The following GTPBP4 variants were observed in gnomAD, a reference collection of about 807,000 sequenced individuals.
GTPBP4 encodes the protein GTP-binding protein 4.
In GTPBP4, 15 loss-of-function variants were observed where a neutral mutation model predicts 81.7. That is an observed-to-expected ratio of 0.18 (90% confidence interval 0.12 to 0.28). The LOEUF (loss-of-function observed/expected upper bound fraction) is 0.28, where lower values mean the gene tolerates loss of function less well. Among genes scored for constraint, GTPBP4 ranks in the 10% least tolerant of loss-of-function variants. GTPBP4 has a pLI of 1.00. For synonymous variants in GTPBP4, 272 were observed against 274.6 expected (o/e 0.99, Z 0.09); for missense variants, 847 against 793.8 (o/e 1.07, Z -0.81).
chr10:1,007,843 G>T (rs768911834), intron 10 of GTPBP4: 3 of 507,518 alleles, frequency 5.9e-6, no homozygotes, highest in Non-Finnish European at 1.2e-5. Context: ...TTTATGTAAT[G>T]CTGGGTGCGG....
intron 1 of GTPBP4, among the ~76,000 whole-genome samples, chr10:990,915 G>A (rs1831430641): frequency 6.6e-6 from 1 of 151,768 alleles, no homozygotes; most frequent in Non-Finnish European, 1.5e-5. Context: ...CCTTCAGGAT[G>A]TGCGAACGGC....
intron 10 of GTPBP4, chr10:1,007,338 G>A (rs1201763267): frequency 1.0e-5 from 5 of 495,540 alleles, no homozygotes; most frequent in Non-Finnish European, 1.1e-5. Flanking sequence ...ACTGCATGAC[G>A]TGGTCACTGT....
intron 16 of GTPBP4, 75 bp downstream of exon 16, chr10:1,015,971 C>T (rs1831984979): frequency 1.5e-6 from 2 of 1,299,116 alleles, no homozygotes. Flanking sequence ...GGGCAAACAC[C>T]AGCAGTTGCC....
intron 8 of GTPBP4, among the ~76,000 whole-genome samples, chr10:1,002,596 T>G (rs192653389): frequency 4.6e-5 from 7 of 152,344 alleles, no homozygotes; most frequent in African/African-American, 1.7e-4. Flanking sequence ...AAGGCTGGTC[T>G]AGTAGTGACG....
intron 8 of GTPBP4, among the ~76,000 whole-genome samples, chr10:1,004,010 C>T (rs1414875854): frequency 6.6e-6 from 1 of 152,102 alleles, no homozygotes; most frequent in African/African-American, 2.4e-5. Context: ...AGCTTAAGCC[C>T]ACAGGGCAAG....
At chr10:1,015,395 T>C (rs61833307) in intron 15 of GTPBP4, among the ~76,000 whole-genome samples, 22,378 of 34,966 alleles carry the variant, frequency 0.64, 5,884 homozygotes, top group Non-Finnish European at 0.66. Context: ...AGCCTGGGAG[T>C]GGACCTGGGG....
chr10:1,008,955 C>T lies in GTPBP4; in HGVS notation c.1114-3C>T. Reference sequence around the variant, plus strand: ...ATAAATATTTTATATGGGATCTTCTCAGGAGAGGCCCCCTTTCATCCCTGA... The same window carrying T: ...ATAAATATTTTATATGGGATCTTCTTAGGAGAGGCCCCCTTTCATCCCTGA... On this transcript the variant is annotated splice_region_variant and splice_polypyrimidine_tract_variant and intron_variant, in intron 10 of 16. Transcript: ENST00000360803. 1 of 1,603,992 alleles carries T rather than the reference C, an allele frequency of 6.2e-7. No homozygotes were observed. Among genetic ancestry groups the T allele is most frequent in the Non-Finnish European group, 8.5e-7 (1 of 1,170,752 alleles).
intron 14 of GTPBP4, 46 bp downstream of exon 14, chr10:1,012,708 T>C (rs748334786): frequency 3.1e-5 from 43 of 1,378,336 alleles, no homozygotes; most frequent in Non-Finnish European, 4.3e-5. Context: ...TTTTTGAAAA[T>C]TGGATTCCTG....
At chr10:1,013,857 T>A (rs1364982219) in intron 14 of GTPBP4, among the ~76,000 whole-genome samples, 1 of 152,188 alleles carries the variant, frequency 6.6e-6, no homozygotes, top group Non-Finnish European at 1.5e-5. Flanking sequence ...GACTTGGACA[T>A]TTTTGTACTT....
intron 1 of GTPBP4, among the ~76,000 whole-genome samples, chr10:991,449 C>A (rs1831440951): frequency 6.6e-6 from 1 of 152,108 alleles, no homozygotes; most frequent in South Asian, 2.1e-4. Flanking sequence ...ATGCAAAAAT[C>A]CTTCATCTCC....
intron 1 of GTPBP4, 56 bp from the exon 2 acceptor site, chr10:992,433 A>G (rs1392886967): frequency 1.8e-6 from 2 of 1,109,406 alleles, no homozygotes; most frequent in African/African-American, 3.2e-5. Context: ...TTTCAAATAA[A>G]TGGCTCAAAA....
In GTPBP4 at chr10:993,302, G is replaced by C. The variant is rs146362448; in HGVS notation, c.219+643G>C. Among the ~76,000 whole-genome samples, 438 of 152,218 alleles carry C rather than the reference G, an allele frequency of 2.9e-3. 1 individual carries two copies. Among genetic ancestry groups the C allele is most frequent in the African/African-American group, 9.8e-3 (407 of 41,514 alleles). ...GAGTCTCACTCTGTTGCCCAGGCTG[G>C]AGTGCAGTGGCGTGATCTCAGCCCG... On this transcript the variant is annotated intron_variant, in intron 2 of 16. Transcript: ENST00000360803.
Position 1,017,496 on chromosome 10 carries a change from C to A in GTPBP4, c.*269C>A. 1 of 336,988 alleles carries A rather than the reference C, an allele frequency of 3.0e-6. No homozygotes were observed. Among genetic ancestry groups the A allele is most frequent in the Non-Finnish European group, 5.3e-6 (1 of 187,232 alleles). The allele number at this position is 336,988 out of a possible 1,614,324, so 20.9% of individuals were successfully genotyped here. A position where few individuals can be genotyped will look rare whatever the true frequency, so the allele number is the denominator to read the frequency against. On this transcript the variant is annotated 3_prime_UTR_variant, in exon 17 of 17. Coordinates refer to ENST00000360803, the MANE Select transcript of GTPBP4 (RefSeq NM_012341.3). ...AGATTTTCAGAACTGGGAAGATTTA[C>A]TGGTTTAACTAGGTTGTTTTTGATG... is the stretch of plus-strand genomic sequence containing the variant.
intron 10 of GTPBP4, 169 bp downstream of exon 10, chr10:1,007,297 A>G (rs1173301441): frequency 3.0e-5 from 17 of 563,294 alleles, no homozygotes; most frequent in Non-Finnish European, 5.1e-5. Flanking sequence ...AGGTGAAGAA[A>G]GTGCAGAACG....
chr10:995,454 A>G (rs919800572), intron 2 of GTPBP4, among the ~76,000 whole-genome samples: 1 of 151,568 alleles, frequency 6.6e-6, no homozygotes, highest in East Asian at 1.9e-4. Context: ...TTCTGGAGAG[A>G]GTGGGTTCAA....
rs749626115 is a variant in GTPBP4, at chr10:1,015,753, G to A, written c.1609G>A (p.Ala537Thr). 3.1e-6 allele frequency: 5 copies of A among 1,612,744 alleles called. No individual in the cohort carries two copies. The East Asian group carries it at 1.1e-4, about 36-fold the overall frequency. ...GAGCATTGCTTCCCCTGCTTTGCAG[G>A]CCCATTACGCAGTCCAGGCAAGAAG... ...LGVDMDDKDD[A>T]HYAVQARRSR... The change falls in exon 16 of 17, where the codon GCC becomes ACC. Residue 537 changes from alanine (A) to threonine (T), a missense_variant and splice_region_variant. Coordinates refer to ENST00000360803, the MANE Select transcript of GTPBP4 (RefSeq NM_012341.3).
rs557327495 is a variant in GTPBP4, at chr10:1,011,844, G to A, written c.1345-621G>A. On this transcript the variant is annotated intron_variant, in intron 13 of 16. Coordinates refer to ENST00000360803, the MANE Select transcript of GTPBP4 (RefSeq NM_012341.3). ...CCCAGCCTCTTCCCCTCTGCAGTGC[G>A]CGCTCTTGGGCGCAAGAAGCCTTGA... Among the ~76,000 whole-genome samples the A allele has an allele frequency of 5.9e-5, 9 of 152,286 alleles. No homozygotes were observed. In the South Asian group the frequency reaches 1.2e-3, roughly 21 times the overall value.
chr10:999,794 A>T (rs1480144539), intron 6 of GTPBP4, among the ~76,000 whole-genome samples: 1 of 152,162 alleles, frequency 6.6e-6, no homozygotes, highest in African/African-American at 2.4e-5. Context: ...CCCCATCTCT[A>T]CTAAAAATAC....
chr10:1,009,022 C>A lies in GTPBP4; in HGVS notation c.1178C>A (p.Ser393Tyr). 6.2e-7 allele frequency: 1 copy of A among 1,610,232 alleles called. No individual in the cohort carries two copies. The highest frequency in any genetic ancestry group is 8.5e-7 in the Non-Finnish European group (1 of 1,176,504). ...AGGAAGAGGATGGAAACTGAGGAGT[C>A]CAGGAAGAAGAGGGTATGCTGCCGA... is the stretch of plus-strand genomic sequence containing the variant. ...ARRKRMETEE[S>Y]RKKRERDLEL... The change falls in exon 11 of 17, where the codon TCC becomes TAC. Residue 393 changes from serine (S) to tyrosine (Y), a missense_variant. Physicochemically the swap from Ser to Tyr is moderately radical, Grantham distance 144. Coordinates refer to ENST00000360803, the MANE Select transcript of GTPBP4 (RefSeq NM_012341.3).
Sources: gnomAD v4.1 joint callset for allele counts (sites outside exome capture counted in the v4.1 genomes callset) on GRCh38, gnomAD v4.1.1 for gene constraint, MANE v1.5 for transcripts, NCBI Gene and HGNC (gene_info 2026-07-23, HGNC 2026-07-21) for gene names.